TENM4: variants seen among roughly 807,000 people sequenced by gnomAD.
TENM4 encodes teneurin-4.
Under a neutral mutation model 243.3 loss-of-function variants are expected in TENM4, and 82 were observed. That is an observed-to-expected ratio of 0.34 (90% confidence interval 0.28 to 0.40). TENM4 has a LOEUF of 0.40. Among genes scored for constraint, TENM4 ranks in the 10% least tolerant of loss-of-function variants. The pLI, the probability that TENM4 is intolerant of heterozygous loss-of-function variation, is 1.00. For synonymous variants in TENM4, 1,412 were observed against 1,456.3 expected (o/e 0.97, Z 0.69); for missense variants, 3,138 against 3,673.3 (o/e 0.85, Z 3.77).
intron 2 of TENM4, among the ~76,000 whole-genome samples, chr11:79,250,445 T>C (rs562407838): frequency 1.3e-3 from 199 of 152,366 alleles, no homozygotes; most frequent in African/African-American, 4.5e-3. Context: ...CTTTGAATCC[T>C]GCACCTGGGA....
At chr11:79,031,063 T>C (rs1224944798) in intron 6 of TENM4, among the ~76,000 whole-genome samples, 2 of 152,144 alleles carry the variant, frequency 1.3e-5, no homozygotes, top group African/African-American at 4.8e-5. Flanking sequence ...TCCCACTGCA[T>C]TGTAGGGACC....
intron 14 of TENM4, among the ~76,000 whole-genome samples, 151 bp from the exon 15 acceptor site, chr11:78,805,643 C>A (rs538718128): frequency 6.6e-6 from 1 of 152,170 alleles, no homozygotes; most frequent in African/African-American, 2.4e-5. Flanking sequence ...AGCAGTACTG[C>A]GGCAAATGGC....
At position 79,064,864 on chromosome 11, in the gene TENM4, G is replaced by T; in HGVS notation, c.367C>A (p.Leu123Met). ...SDADMEADTV[L>M]SPEHPVRLWG... is the part of the protein sequence containing the mutation. ...AGACGCACGGGGTGCTCAGGGGACA[G>T]CACCGTGTCAGCCTCCATGTCGGCA... The change falls in exon 6 of 34, where the codon CTG becomes ATG. Residue 123 changes from leucine (L) to methionine (M), a missense_variant. Coordinates refer to ENST00000278550, the MANE Select transcript of TENM4 (RefSeq NM_001098816.3). 6.4e-7 allele frequency: 1 copy of T among 1,551,224 alleles called. No homozygotes were observed. Among genetic ancestry groups the T allele is most frequent in the Non-Finnish European group, 8.7e-7 (1 of 1,146,872 alleles).
At chr11:78,725,828 A>C (rs1855497272) in intron 23 of TENM4, among the ~76,000 whole-genome samples, 1 of 152,176 alleles carries the variant, frequency 6.6e-6, no homozygotes, top group African/African-American at 2.4e-5. Flanking sequence ...ATGGCACAAC[A>C]TTGAAACTGC....
intron 3 of TENM4, among the ~76,000 whole-genome samples, chr11:79,154,146 A>T (rs1252930913): frequency 6.6e-6 from 1 of 151,730 alleles, no homozygotes; most frequent in Non-Finnish European, 1.5e-5. Flanking sequence ...TAATTAAAAA[A>T]AAAGAGGTTT....
At chr11:78,975,395 T>C (rs1469892006) in intron 6 of TENM4, among the ~76,000 whole-genome samples, 2 of 152,008 alleles carry the variant, frequency 1.3e-5, no homozygotes, top group South Asian at 2.1e-4. Flanking sequence ...CAAGCTGGAT[T>C]ATCTCTGACT....
At chr11:78,815,225 A>C (rs1218467349) in intron 12 of TENM4, among the ~76,000 whole-genome samples, 1 of 152,072 alleles carries the variant, frequency 6.6e-6, no homozygotes, top group East Asian at 1.9e-4. Context: ...ATCTCTACTA[A>C]AAATACAAAA....
chr11:78,937,632 C>T (rs773314055), intron 6 of TENM4, among the ~76,000 whole-genome samples: 2 of 152,136 alleles, frequency 1.3e-5, no homozygotes, highest in African/African-American at 2.4e-5. Context: ...AGCTCTTGCA[C>T]TAGGCCCAAC....
chr11:78,888,762 G>A (rs1041391834), intron 9 of TENM4, among the ~76,000 whole-genome samples: 1 of 152,082 alleles, frequency 6.6e-6, no homozygotes, highest in Non-Finnish European at 1.5e-5. Flanking sequence ...CTGTTTACTG[G>A]GCTTGTGCTG....
At chr11:78,684,218 C>A (rs949221) in intron 29 of TENM4, among the ~76,000 whole-genome samples, 59 of 152,030 alleles carry the variant, frequency 3.9e-4, no homozygotes, top group Non-Finnish European at 6.9e-4. Flanking sequence ...CTTGGCTTTG[C>A]AGCCAGGCTA....
intron 2 of TENM4, among the ~76,000 whole-genome samples, chr11:79,239,391 T>C (rs1229993755): frequency 6.6e-6 from 1 of 152,184 alleles, no homozygotes; most frequent in African/African-American, 2.4e-5. Flanking sequence ...CCAAAATACC[T>C]TGGCTCATTT....
intron 4 of TENM4, among the ~76,000 whole-genome samples, chr11:79,076,149 C>G (rs1357600585): frequency 1.3e-5 from 2 of 152,180 alleles, no homozygotes; most frequent in East Asian, 3.9e-4. Flanking sequence ...TCACATACCC[C>G]CATGAAAGCC....
intron 2 of TENM4, among the ~76,000 whole-genome samples, chr11:79,270,085 A>G (rs1217104689): frequency 6.6e-6 from 1 of 151,118 alleles, no homozygotes; most frequent in East Asian, 2.0e-4. Flanking sequence ...ATTTGTCCCC[A>G]GGTTCCCATC....
chr11:79,339,897 G>T (rs974618720), intron 1 of TENM4, among the ~76,000 whole-genome samples: 2 of 152,152 alleles, frequency 1.3e-5, no homozygotes, highest in South Asian at 2.1e-4. Flanking sequence ...CCGTGGTTGG[G>T]TGCAGGATGT....
intron 6 of TENM4, among the ~76,000 whole-genome samples, chr11:78,993,661 A>T (rs958765000): frequency 6.6e-6 from 1 of 151,898 alleles, no homozygotes; most frequent in Admixed American, 6.6e-5. Context: ...TAAACCCAAC[A>T]GTGAACTTTT....
At chr11:78,899,308 C>G (rs1381599698) in intron 7 of TENM4, among the ~76,000 whole-genome samples, 3 of 151,934 alleles carry the variant, frequency 2.0e-5, no homozygotes, top group Non-Finnish European at 2.9e-5. Context: ...AAATTTAATA[C>G]CCAGCTGGGC....
intron 2 of TENM4, among the ~76,000 whole-genome samples, chr11:79,258,004 T>C (rs1358977757): frequency 6.6e-6 from 1 of 152,142 alleles, no homozygotes; most frequent in Non-Finnish European, 1.5e-5. Context: ...TGCAAACACC[T>C]GCGAGGTGAG....
chr11:79,038,367 C>A (rs781693062), intron 6 of TENM4, among the ~76,000 whole-genome samples: 5 of 152,220 alleles, frequency 3.3e-5, no homozygotes, highest in African/African-American at 4.8e-5. Flanking sequence ...TCCCTGCAAA[C>A]TCCTCCTCTG....
chr11:79,054,766 C>T (rs1291450933), intron 6 of TENM4, among the ~76,000 whole-genome samples: 2 of 152,058 alleles, frequency 1.3e-5, no homozygotes, highest in African/African-American at 4.8e-5. Context: ...ATCTTTTAAG[C>T]TTGTTTTTAC....
Sources: gnomAD v4.1 joint callset for allele counts (sites outside exome capture counted in the v4.1 genomes callset) on GRCh38, gnomAD v4.1.1 for gene constraint, MANE v1.5 for transcripts, NCBI Gene and HGNC (gene_info 2026-07-23, HGNC 2026-07-21) for gene names.